The following SMYD3 variants were observed in gnomAD, a reference collection of about 807,000 sequenced individuals.
The protein encoded by SMYD3 is SET and MYND domain containing 3.
SMYD3 carries 36 observed loss-of-function variants against 57.7 expected under a neutral mutation model. The observed-to-expected ratio is 0.62, with a 90% CI of 0.48 to 0.82. The LOEUF (loss-of-function observed/expected upper bound fraction) is 0.82, where lower values mean the gene tolerates loss of function less well. Among genes scored for constraint, SMYD3 ranks in the 40% least tolerant of loss-of-function variants. SMYD3 has a pLI of 0.00. For missense variants in SMYD3, 515 were observed against 538.8 expected, an observed-to-expected ratio of 0.96 and a Z score of 0.44; for synonymous variants, 211 against 195.0, an observed-to-expected ratio of 1.08 and a Z score of -0.68.
At chr1:246,480,958 C>T (rs1286441916) in intron 1 of SMYD3, among the ~76,000 whole-genome samples, 1 of 151,958 alleles carries the variant, frequency 6.6e-6, no homozygotes, top group African/African-American at 2.4e-5. Context: ...GCCACCACAC[C>T]CAGCTAATTT....
chr1:246,113,557 T>C (rs2061290126), intron 5 of SMYD3: 1 of 152,256 alleles, frequency 6.6e-6, no homozygotes, highest in Non-Finnish European at 1.5e-5. Context: ...ATCGGTATAG[T>C]GCTGTGCTGC....
intron 5 of SMYD3, among the ~76,000 whole-genome samples, chr1:246,146,130 T>C (rs1353382209): frequency 1.3e-5 from 2 of 151,878 alleles, no homozygotes; most frequent in African/African-American, 4.8e-5. Context: ...CTGGGAGAAA[T>C]AGATAAAGGG....
chr1:246,182,777 A>C (rs942682236), intron 5 of SMYD3, among the ~76,000 whole-genome samples: 1 of 152,170 alleles, frequency 6.6e-6, no homozygotes, highest in Non-Finnish European at 1.5e-5. Flanking sequence ...AAGACTCAGG[A>C]GGCCATTTCC....
intron 5 of SMYD3, among the ~76,000 whole-genome samples, chr1:246,168,039 G>A (rs778924222): frequency 3.3e-5 from 5 of 152,148 alleles, no homozygotes; most frequent in Non-Finnish European, 5.9e-5. Context: ...GCGGTGGTTA[G>A]GAAGCTGTGC....
At chr1:245,985,021 T>C (rs964286102) in intron 5 of SMYD3, among the ~76,000 whole-genome samples, 5 of 152,034 alleles carry the variant, frequency 3.3e-5, no homozygotes, top group African/African-American at 1.2e-4. Flanking sequence ...AAGTCCCTGT[T>C]TGACTCTCTG....
chr1:246,172,251 C>T (rs964182015), intron 5 of SMYD3, among the ~76,000 whole-genome samples: 7 of 150,626 alleles, frequency 4.6e-5, no homozygotes, highest in Admixed American at 2.0e-4. Context: ...CACACTTAGG[C>T]TACACAGGCC....
chr1:246,044,413 G>A (rs2059929003), intron 5 of SMYD3, among the ~76,000 whole-genome samples: 1 of 152,178 alleles, frequency 6.6e-6, no homozygotes, highest in African/African-American at 2.4e-5. Flanking sequence ...TTTACCTTCA[G>A]AGAAATGTGC....
At chr1:246,264,513 T>TA (rs2064068638) in intron 5 of SMYD3, among the ~76,000 whole-genome samples, 2 of 152,236 alleles carry the variant, frequency 1.3e-5, no homozygotes, top group African/African-American at 4.8e-5. Flanking sequence ...GTAACTTTTC[T>TA]ATATTTTTTC....
At chr1:246,272,663 A>C (rs1201520936) in intron 5 of SMYD3, among the ~76,000 whole-genome samples, 1 of 152,132 alleles carries the variant, frequency 6.6e-6, no homozygotes, top group Non-Finnish European at 1.5e-5. Context: ...AATCCTTTTA[A>C]TATGCTGCTA....
chr1:246,444,049 A>G (rs2067511874), intron 1 of SMYD3, among the ~76,000 whole-genome samples: 3 of 152,096 alleles, frequency 2.0e-5, no homozygotes, highest in South Asian at 4.1e-4. Flanking sequence ...TGGGTTTGTT[A>G]CCTGGAGGAA....
chr1:245,990,062 A>G (rs1249887109), intron 5 of SMYD3, among the ~76,000 whole-genome samples: 1 of 151,936 alleles, frequency 6.6e-6, no homozygotes, highest in African/African-American at 2.4e-5. Flanking sequence ...TTTTCTTTTC[A>G]GATTTTATTA....
intron 5 of SMYD3, among the ~76,000 whole-genome samples, chr1:246,263,088 T>C (rs780443876): frequency 6.6e-6 from 1 of 152,166 alleles, no homozygotes; most frequent in African/African-American, 2.4e-5. Context: ...TGTTGGTACA[T>C]GTACTCAAGG....
At chr1:245,807,158 G>A (rs944030153) in intron 10 of SMYD3, among the ~76,000 whole-genome samples, 2 of 152,036 alleles carry the variant, frequency 1.3e-5, no homozygotes, top group African/African-American at 2.4e-5. Context: ...TCCTGCTGCA[G>A]GCGGGCTACA....
intron 5 of SMYD3, among the ~76,000 whole-genome samples, chr1:246,002,892 G>A (rs556682473): frequency 1.3e-5 from 2 of 152,214 alleles, no homozygotes; most frequent in African/African-American, 4.8e-5. Flanking sequence ...TGGGATCACA[G>A]GCCTGAGCCT....
intron 5 of SMYD3, among the ~76,000 whole-genome samples, chr1:246,289,958 CTG>C (rs2064654986): frequency 6.6e-6 from 1 of 152,142 alleles, no homozygotes; most frequent in Admixed American, 6.5e-5. Context: ...GTGTGTGGGC[CTG>C]TGAGGAAAAA....
At chr1:246,256,483 A>G (rs528431122) in intron 5 of SMYD3, among the ~76,000 whole-genome samples, 28 of 152,276 alleles carry the variant, frequency 1.8e-4, no homozygotes, top group Middle Eastern at 3.4e-3. Flanking sequence ...GGTGTTCATA[A>G]TAGTCTCTGA....
chr1:246,486,379 T>G (rs996783331), intron 1 of SMYD3, among the ~76,000 whole-genome samples: 1 of 152,188 alleles, frequency 6.6e-6, no homozygotes, highest in Admixed American at 6.5e-5. Flanking sequence ...ATAGGTGATA[T>G]TCATCTAATA....
At chr1:245,993,742 G>C (rs1448941617) in intron 5 of SMYD3, among the ~76,000 whole-genome samples, 1 of 152,144 alleles carries the variant, frequency 6.6e-6, no homozygotes, top group Non-Finnish European at 1.5e-5. Context: ...AGGGCTGGGG[G>C]AATAGGGAAT....
intron 5 of SMYD3, among the ~76,000 whole-genome samples, chr1:246,029,442 C>T (rs536986476): frequency 2.8e-4 from 43 of 152,084 alleles, no homozygotes; most frequent in African/African-American, 9.4e-4. Flanking sequence ...GAGACAGAGG[C>T]GGGCAGATCA....
Sources: allele counts gnomAD v4.1 joint callset (sites outside exome capture counted in the v4.1 genomes callset), GRCh38; gene constraint gnomAD v4.1.1; transcripts MANE v1.5; gene names NCBI Gene and HGNC (gene_info 2026-07-23, HGNC 2026-07-21).